The following SKIC3 variants were observed in gnomAD, a reference collection of about 807,000 sequenced individuals.
SKIC3 encodes superkiller complex protein 3.
chr5:95,476,908 C>A, the SKIC3 span, among the ~76,000 whole-genome samples: 2 of 152,128 alleles, frequency 1.3e-5, no homozygotes, highest in African/African-American at 4.8e-5. Flanking sequence ...ATAATAGAAC[C>A]TAGCGCAGAC....
At chr5:95,531,116 A>C in the SKIC3 span, among the ~76,000 whole-genome samples, 2 of 152,180 alleles carry the variant, frequency 1.3e-5, no homozygotes, top group African/African-American at 2.4e-5. Context: ...ATAGAAGCCC[A>C]AACCACATGT....
At chr5:95,525,387 T>C in the SKIC3 span, 2 of 1,611,864 alleles carry the variant, frequency 1.2e-6, no homozygotes, top group East Asian at 2.2e-5. Flanking sequence ...GAGCAATTTA[T>C]ATATCCTTAC....
At chr5:95,495,535 T>C in the SKIC3 span, 1 of 154,198 alleles carries the variant, frequency 6.5e-6, no homozygotes, top group Non-Finnish European at 1.4e-5. Context: ...CTTTAAATAA[T>C]TGCAGCTACT....
At chr5:95,536,675 T>C in the SKIC3 span, 1 of 732,470 alleles carries the variant, frequency 1.4e-6, no homozygotes, top group Non-Finnish European at 2.4e-6. Flanking sequence ...ACACAAAGAC[T>C]ACACATTATA....
the SKIC3 span, among the ~76,000 whole-genome samples, chr5:95,534,769 T>A: frequency 1.3e-4 from 20 of 152,262 alleles, no homozygotes; most frequent in South Asian, 3.7e-3. Context: ...GTTCTCAGTA[T>A]TTTTCCCTTT....
At chr5:95,494,765 T>A in the SKIC3 span, 1 of 1,613,808 alleles carries the variant, frequency 6.2e-7, no homozygotes, top group Non-Finnish European at 8.5e-7. Context: ...CATAGCCAAC[T>A]GATTTACCGC....
At chr5:95,554,265 T>C in the SKIC3 span, among the ~76,000 whole-genome samples, 1 of 152,116 alleles carries the variant, frequency 6.6e-6, no homozygotes. Context: ...AAGTAAGTAG[T>C]ATAACTCCTC....
the SKIC3 span, chr5:95,516,733 C>T: frequency 6.2e-6 from 10 of 1,613,212 alleles, no homozygotes; most frequent in Admixed American, 5.0e-5. Context: ...TGTCGAGTCT[C>T]ACTGCTTTTT....
chr5:95,501,817 G>A, the SKIC3 span, among the ~76,000 whole-genome samples: 2 of 152,086 alleles, frequency 1.3e-5, no homozygotes, highest in African/African-American at 4.8e-5. Flanking sequence ...CAGTAATCAT[G>A]AGTATCTATG....
the SKIC3 span, chr5:95,469,981 C>CAATTCT: frequency 7.8e-7 from 1 of 1,275,696 alleles, no homozygotes; most frequent in South Asian, 1.4e-5. Flanking sequence ...CAATTCAATT[C>CAATTCT]TTTTTTTTTT....
the SKIC3 span, among the ~76,000 whole-genome samples, chr5:95,464,989 A>G: frequency 3.1e-5 from 4 of 130,086 alleles, no homozygotes; most frequent in African/African-American, 1.2e-4. Context: ...TAATCGTCTG[A>G]TCTTGGTGGC....
chr5:95,541,812 T>G, the SKIC3 span: 1 of 1,599,638 alleles, frequency 6.3e-7, no homozygotes, highest in East Asian at 2.2e-5. Context: ...ATACATTTCT[T>G]ACCTCTCATA....
At chr5:95,491,013 GC>G in the SKIC3 span, 4 of 1,613,914 alleles carry the variant, frequency 2.5e-6, no homozygotes, top group Non-Finnish European at 3.4e-6. Context: ...GCTGCCATTA[GC>G]CCAGCCCAGA....
At chr5:95,507,374 G>A in the SKIC3 span, among the ~76,000 whole-genome samples, 1 of 152,172 alleles carries the variant, frequency 6.6e-6, no homozygotes, top group Non-Finnish European at 1.5e-5. Flanking sequence ...AGTAGTTTGA[G>A]TTAGGAAGCC....
the SKIC3 span, chr5:95,491,139 T>C: frequency 2.0e-6 from 3 of 1,483,560 alleles, no homozygotes; most frequent in African/African-American, 2.8e-5. Context: ...AAAAAAATTG[T>C]ATCTAAAAAA....
chr5:95,483,493 G>A, the SKIC3 span, among the ~76,000 whole-genome samples: 1 of 152,102 alleles, frequency 6.6e-6, no homozygotes, highest in Admixed American at 6.6e-5. Flanking sequence ...CACTTACTGT[G>A]TAATACCCTG....
the SKIC3 span, among the ~76,000 whole-genome samples, chr5:95,489,364 T>C: frequency 1.3e-5 from 2 of 151,958 alleles, no homozygotes; most frequent in African/African-American, 2.4e-5. Context: ...CTCGTATGCT[T>C]ATGTGTAAGC....
At chr5:95,513,592 G>A in the SKIC3 span, 1 of 1,613,790 alleles carries the variant, frequency 6.2e-7, no homozygotes, top group Non-Finnish European at 8.5e-7. Flanking sequence ...GTTCTGTAGT[G>A]TGCCTGAAGA....
At chr5:95,540,396 T>A in the SKIC3 span, among the ~76,000 whole-genome samples, 75 of 151,700 alleles carry the variant, frequency 4.9e-4, no homozygotes, top group African/African-American at 1.8e-3. Flanking sequence ...CACAAATCAC[T>A]ACTAAAGAAC....
Sources: gnomAD v4.1 joint callset for allele counts (sites outside exome capture counted in the v4.1 genomes callset) on GRCh38, gnomAD v4.1.1 for gene constraint, MANE v1.5 for transcripts, NCBI Gene and HGNC (gene_info 2026-07-23, HGNC 2026-07-21) for gene names.